PGAP4: variants seen among roughly 807,000 people sequenced by gnomAD.
The protein encoded by PGAP4 is GPI-N-acetylgalactosamine transferase PGAP4.
A neutral mutation model predicts 28.2 loss-of-function variants in PGAP4; 12 were observed. The ratio of observed to expected loss-of-function variants is 0.42; its 90% CI spans 0.27 to 0.69. PGAP4 has a LOEUF of 0.69. PGAP4 is among the 30% of genes least tolerant of loss of function. The pLI is 0.22. For synonymous variants in PGAP4, 205 were observed against 211.8 expected, an observed-to-expected ratio of 0.97 and a Z score of 0.28; for missense variants, 425 against 513.5, an observed-to-expected ratio of 0.83 and a Z score of 1.67.
At chr9:101,501,476 T>G (rs1826798137) in intron 2 of PGAP4, among the ~76,000 whole-genome samples, 1 of 152,114 alleles carries the variant, frequency 6.6e-6, no homozygotes, top group Non-Finnish European at 1.5e-5. Context: ...AATAACTTTT[T>G]TTTTCAAGTT....
intron 2 of PGAP4, chr9:101,502,015 TC>T (rs1588206409): frequency 4.6e-6 from 1 of 218,456 alleles, no homozygotes; most frequent in East Asian, 1.1e-4. Context: ...AACAAGGTTT[TC>T]CTTTCTCTAT....
rs527835266 is a variant in PGAP4, at chr9:101,482,174, G to A, written c.-78+4775C>T. Among the ~76,000 whole-genome samples, 9 of 152,330 alleles carry A rather than the reference G, an allele frequency of 5.9e-5. No homozygotes were observed. The South Asian group carries it at 8.3e-4, about 14-fold the overall frequency. On this transcript the variant is annotated intron_variant, in intron 1 of 1. Transcript: ENST00000374848. The stretch of plus-strand genomic sequence containing the variant: ...AAAATAAAAGATACTTCAACCAGGC[G>A]CGGTGGCTCACACCGGTAATCCCAC...
At chr9:101,484,784 AGCAG>A (rs1224397419) in intron 1 of PGAP4, among the ~76,000 whole-genome samples, 1 of 152,258 alleles carries the variant, frequency 6.6e-6, no homozygotes, top group Non-Finnish European at 1.5e-5. Flanking sequence ...AATGTGTTAC[AGCAG>A]CTCAAGTAGA....
At chr9:101,510,382 TG>T (rs61312276) in intron 2 of PGAP4, among the ~76,000 whole-genome samples, 28,973 of 151,384 alleles carry the variant, frequency 0.19, 2,936 homozygotes, top group East Asian at 0.36. Flanking sequence ...GTTATGTTCA[TG>T]TTTTTTTTTT....
chr9:101,495,702 TA>T (rs1489921540), intron 2 of PGAP4, among the ~76,000 whole-genome samples: 3 of 150,636 alleles, frequency 2.0e-5, no homozygotes, highest in African/African-American at 4.8e-5. Context: ...TTAAAAGGGT[TA>T]TTTTTTTTAC....
rs140803536 is a variant in PGAP4 at position 101,531,838 on chromosome 9, T to C, written c.-376-279A>G. ...CCAGACACTTACGTAGTACCAGCAA[T>C]TGATTTATCACAATGTAACACACAA... On this transcript the variant is annotated intron_variant, in intron 1 of 3. Transcript: ENST00000374851. 6.5e-4 allele frequency among the ~76,000 whole-genome samples: 99 copies of C among 152,382 alleles called. 1 individual carries two copies. The highest frequency in any genetic ancestry group is 5.9e-4 in the Admixed American group (9 of 15,308).
At chr9:101,526,766 C>T (rs1205688288) in intron 2 of PGAP4, among the ~76,000 whole-genome samples, 1 of 152,140 alleles carries the variant, frequency 6.6e-6, no homozygotes, top group African/African-American at 2.4e-5. Flanking sequence ...CTTTCAAAAC[C>T]TTATTCAAGT....
At chr9:101,518,974 T>A (rs1457325964) in intron 2 of PGAP4, among the ~76,000 whole-genome samples, 1 of 152,162 alleles carries the variant, frequency 6.6e-6, no homozygotes, top group Non-Finnish European at 1.5e-5. Flanking sequence ...CGTCAACATC[T>A]ACTGTTTTTT....
chr9:101,501,532 A>G (rs999858841), intron 2 of PGAP4: 10 of 393,240 alleles, frequency 2.5e-5, no homozygotes, highest in African/African-American at 1.5e-4. Context: ...GATTACATCA[A>G]CATGATTTCA....
intron 2 of PGAP4, among the ~76,000 whole-genome samples, chr9:101,494,230 A>G (rs1426248431): frequency 2.0e-5 from 3 of 151,994 alleles, no homozygotes; most frequent in Non-Finnish European, 2.9e-5. Flanking sequence ...TAATATAACC[A>G]AAGTTTTAAA....
At chr9:101,523,966 T>TACTCTCCCCCA in intron 2 of PGAP4, among the ~76,000 whole-genome samples, 4 of 152,126 alleles carry the variant, frequency 2.6e-5, no homozygotes, top group Admixed American at 2.6e-4. Context: ...CCTATGGATG[T>TACTCTCCCCCA]GGCTTCCTAC....
intron 1 of PGAP4, among the ~76,000 whole-genome samples, chr9:101,485,197 C>A (rs1826585011): frequency 6.6e-6 from 1 of 151,450 alleles, no homozygotes; most frequent in Admixed American, 6.6e-5. Context: ...ATTATGAAAG[C>A]TTTATAACAG....
At chr9:101,514,382 T>C (rs1436969505) in intron 2 of PGAP4, among the ~76,000 whole-genome samples, 1 of 152,196 alleles carries the variant, frequency 6.6e-6, no homozygotes, top group African/African-American at 2.4e-5. Context: ...TATTTACTTA[T>C]CTTACAAATG....
At chr9:101,530,558 CTT>C (rs1827079539) in intron 2 of PGAP4, among the ~76,000 whole-genome samples, 1 of 152,164 alleles carries the variant, frequency 6.6e-6, no homozygotes, top group South Asian at 2.1e-4. Flanking sequence ...GAGGGAAAAA[CTT>C]ATTTTTCCAG....
intron 2 of PGAP4, among the ~76,000 whole-genome samples, chr9:101,530,204 G>C (rs1171867886): frequency 6.6e-6 from 1 of 152,234 alleles, no homozygotes; most frequent in African/African-American, 2.4e-5. Flanking sequence ...GTTTCTAAGA[G>C]TTAGGGTGAA....
At chr9:101,494,009 T>A (rs1249407352) in intron 2 of PGAP4, among the ~76,000 whole-genome samples, 3 of 152,040 alleles carry the variant, frequency 2.0e-5, no homozygotes, top group Non-Finnish European at 2.9e-5. Flanking sequence ...TTTTATTTTT[T>A]AAAATATTGA....
intron 1 of PGAP4, among the ~76,000 whole-genome samples, chr9:101,483,531 C>A (rs1294489986): frequency 6.6e-6 from 1 of 151,958 alleles, no homozygotes; most frequent in African/African-American, 2.4e-5. Context: ...ATTTGGAGCC[C>A]AGGAAAATCA....
intron 2 of PGAP4, among the ~76,000 whole-genome samples, chr9:101,498,388 A>G (rs1183922046): frequency 2.0e-5 from 3 of 151,890 alleles, no homozygotes; most frequent in Admixed American, 6.6e-5. Context: ...ATTGTACACA[A>G]TTGCTAATCA....
At chr9:101,494,347 A>T (rs1259946099) in intron 2 of PGAP4, among the ~76,000 whole-genome samples, 2 of 151,914 alleles carry the variant, frequency 1.3e-5, no homozygotes, top group Non-Finnish European at 2.9e-5. Flanking sequence ...AACTAGGGAG[A>T]AAAAGTAAAT....
Sources: gnomAD v4.1 joint callset for allele counts (sites outside exome capture counted in the v4.1 genomes callset) on GRCh38, gnomAD v4.1.1 for gene constraint, MANE v1.5 for transcripts, NCBI Gene and HGNC (gene_info 2026-07-23, HGNC 2026-07-21) for gene names.